Variants in GSTCD observed in about 807,000 individuals in gnomAD.
GSTCD encodes glutathione S-transferase C-terminal domain containing.
Under a neutral mutation model 68.3 loss-of-function variants are expected in GSTCD, and 44 were observed. The ratio of observed to expected loss-of-function variants is 0.64; its 90% CI spans 0.51 to 0.83. The LOEUF (loss-of-function observed/expected upper bound fraction) is 0.83, where lower values mean the gene tolerates loss of function less well. GSTCD is among the 40% of genes least tolerant of loss of function. GSTCD has a pLI of 0.00. For synonymous variants in GSTCD, 273 were observed against 255.2 expected (o/e 1.07, Z -0.67); for missense variants, 739 against 735.9 (o/e 1.00, Z -0.05).
chr4:105,840,473 C>T, intron 10 of GSTCD: 1 of 234,810 alleles, frequency 4.3e-6, no homozygotes, highest in African/African-American at 2.2e-5. Flanking sequence ...ACCAACATTG[C>T]CACAATCATT....
intron 5 of GSTCD, among the ~76,000 whole-genome samples, chr4:105,797,367 G>GTGAA (rs1426945566): frequency 6.6e-6 from 1 of 152,106 alleles, no homozygotes; most frequent in Non-Finnish European, 1.5e-5. Flanking sequence ...CCACAATGAA[G>GTGAA]TGAATATTGC....
Position 105,837,501 on chromosome 4 carries a change from A to C in GSTCD, c.1665-358A>C, listed in dbSNP as rs972945659. 3.9e-5 allele frequency among the ~76,000 whole-genome samples: 6 copies of C among 152,258 alleles called. No individual in the cohort carries two copies. The East Asian group carries it at 5.8e-4, about 15-fold the overall frequency. On this transcript the variant is annotated intron_variant, in intron 9 of 11. Coordinates refer to ENST00000515279, the MANE Select transcript of GSTCD (RefSeq NM_001370181.1). ...CTTCTTGGGGAACTGTGAGTAATAA[A>C]GTATCTTTTCAATGGCAGTCCTCTC...
intron 5 of GSTCD, chr4:105,807,383 G>T (rs1722560325): frequency 6.6e-6 from 1 of 151,972 alleles, no homozygotes; most frequent in Non-Finnish European, 1.5e-5. Flanking sequence ...TGCCTGTATT[G>T]AAATTCTCCC....
chr4:105,830,648 A>G (rs1245385374), intron 8 of GSTCD, among the ~76,000 whole-genome samples: 3 of 152,192 alleles, frequency 2.0e-5, no homozygotes, highest in African/African-American at 7.2e-5. Flanking sequence ...GTAAAACGTC[A>G]GAAAGCCCAG....
At chr4:105,795,370 T>G (rs11727745) in intron 5 of GSTCD, among the ~76,000 whole-genome samples, 8,187 of 152,186 alleles carry the variant, frequency 0.054, 272 homozygotes, top group Middle Eastern at 0.14. Context: ...TTGTTCTGAT[T>G]AATATTTTAG....
At chr4:105,762,825 C>G (rs1578448283) in intron 5 of GSTCD, among the ~76,000 whole-genome samples, 1 of 152,220 alleles carries the variant, frequency 6.6e-6, no homozygotes, top group South Asian at 2.1e-4. Flanking sequence ...TTCACTCTTT[C>G]CTACATGTTT....
chr4:105,749,574 A>G (rs1224357893), intron 5 of GSTCD, among the ~76,000 whole-genome samples: 2 of 151,768 alleles, frequency 1.3e-5, no homozygotes, highest in Non-Finnish European at 2.9e-5. Context: ...TAGTCTTTTC[A>G]GCAACCATTG....
At chr4:105,812,877 G>A (rs1578497320) in intron 5 of GSTCD, among the ~76,000 whole-genome samples, 4 of 152,150 alleles carry the variant, frequency 2.6e-5, no homozygotes, top group Admixed American at 6.5e-5. Flanking sequence ...AGGCAGCATA[G>A]TGCATTCTAA....
chr4:105,719,445 C>T lies in GSTCD; in HGVS notation c.812C>T (p.Pro271Leu), dbSNP rs1344034668. The T allele has an allele frequency of 1.9e-6, 3 of 1,614,084 alleles. No individual in the cohort carries two copies. The highest frequency in any genetic ancestry group is 2.2e-5 in the South Asian group (2 of 91,082). ...AGAAAAGCAAAAGCCTCCGACCTTC[C>T]ACCTCTGGAGCATGTGTTTGCAGAA... The part of the protein sequence containing the change: ...HIRKAKASDL[P>L]PLEHVFAEGL... Residue 271 changes from proline (P) to leucine (L), a missense_variant, in exon 3 of 12, where the codon CCA (proline) becomes CTA (leucine). Physicochemically the swap from Pro to Leu is moderately conservative, Grantham distance 98 (BLOSUM62 -3). Coordinates refer to ENST00000515279, the MANE Select transcript of GSTCD (RefSeq NM_001370181.1).
chr4:105,798,344 G>C (rs1164350224), intron 5 of GSTCD, among the ~76,000 whole-genome samples: 2 of 151,868 alleles, frequency 1.3e-5, no homozygotes, highest in Non-Finnish European at 2.9e-5. Context: ...CAACACTCCT[G>C]TTCATATTGA....
At chr4:105,820,496 T>C (rs1370034591) in intron 5 of GSTCD, 1 of 151,854 alleles carries the variant, frequency 6.6e-6, no homozygotes, top group African/African-American at 2.4e-5. Flanking sequence ...GAAAGTAGGA[T>C]TTGATTTTTA....
intron 5 of GSTCD, among the ~76,000 whole-genome samples, chr4:105,807,676 G>C (rs1722573497): frequency 1.3e-5 from 2 of 152,076 alleles, no homozygotes; most frequent in Non-Finnish European, 2.9e-5. Context: ...GCATACTATA[G>C]AGCTAATGGT....
intron 10 of GSTCD, among the ~76,000 whole-genome samples, chr4:105,838,744 C>A (rs968633011): frequency 5.9e-5 from 9 of 152,142 alleles, no homozygotes; most frequent in African/African-American, 1.9e-4. Context: ...TCACCACTAT[C>A]CAATTAACTG....
intron 5 of GSTCD, among the ~76,000 whole-genome samples, chr4:105,812,584 A>G (rs1315465854): frequency 1.3e-5 from 2 of 152,126 alleles, no homozygotes; most frequent in Non-Finnish European, 1.5e-5. Flanking sequence ...ATTTGTATTT[A>G]CTGAATTAGG....
At chr4:105,722,917 A>G (rs890679040) in intron 3 of GSTCD, among the ~76,000 whole-genome samples, 1 of 151,866 alleles carries the variant, frequency 6.6e-6, no homozygotes, top group Non-Finnish European at 1.5e-5. Context: ...CCTTAAATAT[A>G]TCTTCATGAG....
chr4:105,731,242 A>G, intron 5 of GSTCD, among the ~76,000 whole-genome samples: 1 of 152,276 alleles, frequency 6.6e-6, no homozygotes, highest in African/African-American at 2.4e-5. Context: ...ATGAACTTTA[A>G]AGTAGTTTTT....
chr4:105,726,018 C>A (rs1733018612), intron 3 of GSTCD, among the ~76,000 whole-genome samples: 1 of 152,016 alleles, frequency 6.6e-6, no homozygotes, highest in African/African-American at 2.4e-5. Flanking sequence ...TAAAACCTAG[C>A]AATTTGACTC....
chr4:105,748,677 C>A (rs1036785189), intron 5 of GSTCD, among the ~76,000 whole-genome samples: 1 of 151,512 alleles, frequency 6.6e-6, no homozygotes, highest in African/African-American at 2.4e-5. Flanking sequence ...GGATTTAGTG[C>A]CAAAATATTA....
In GSTCD at chr4:105,736,311, C is replaced by A. The variant is rs573283979; in HGVS notation, c.1240+6812C>A. ...ACTGTGAATTCATTTGGGGTTACCT[C>A]AATCTGTGGTAATCTTGTGGGGCTT... is the stretch of plus-strand genomic sequence containing the variant. On this transcript the variant is annotated intron_variant, in intron 5 of 11. Coordinates refer to ENST00000515279, the MANE Select transcript of GSTCD (RefSeq NM_001370181.1). Among the ~76,000 whole-genome samples the A allele has an allele frequency of 9.3e-4, 141 of 152,224 alleles. 1 individual carries two copies. Among genetic ancestry groups the A allele is most frequent in the African/African-American group, 3.3e-3 (136 of 41,552 alleles).
Sources: gnomAD v4.1 joint callset for allele counts (sites outside exome capture counted in the v4.1 genomes callset) on GRCh38, gnomAD v4.1.1 for gene constraint, MANE v1.5 for transcripts, NCBI Gene and HGNC (gene_info 2026-07-23, HGNC 2026-07-21) for gene names.